The following TWSG1 variants were observed in gnomAD, a reference collection of about 807,000 sequenced individuals.
TWSG1 encodes twisted gastrulation protein homolog 1.
TWSG1 carries 15 observed loss-of-function variants against 23.0 expected under a neutral mutation model. That is an observed-to-expected ratio of 0.65 (90% CI 0.44 to 1.00). The LOEUF (loss-of-function observed/expected upper bound fraction) is 1.00. Among genes scored for constraint, TWSG1 ranks in the 50% least tolerant of loss-of-function variants. The pLI is 0.00. For missense variants in TWSG1, 242 were observed against 278.7 expected (o/e 0.87, Z 0.94); for synonymous variants, 86 against 92.8 (o/e 0.93, Z 0.42).
intron 3 of TWSG1, among the ~76,000 whole-genome samples, chr18:9,364,315 A>G (rs1302513770): frequency 1.3e-5 from 2 of 152,252 alleles, no homozygotes; most frequent in African/African-American, 4.8e-5. Flanking sequence ...AGGAGGGAAC[A>G]GTGGTACAGT....
At chr18:9,353,271 A>G (rs1034507309) in intron 2 of TWSG1, among the ~76,000 whole-genome samples, 2 of 152,164 alleles carry the variant, frequency 1.3e-5, no homozygotes, top group African/African-American at 4.8e-5. Context: ...GTGACTGTAT[A>G]TGGAATAAGA....
At chr18:9,340,367 C>CCAAA in intron 2 of TWSG1, among the ~76,000 whole-genome samples, 1 of 67,098 alleles carries the variant, frequency 1.5e-5, no homozygotes, top group Non-Finnish European at 2.7e-5. Context: ...GACTCCATTT[C>CCAAA]AAAAAAAAAA....
chr18:9,397,422 A>G (rs534962536), intron 4 of TWSG1, among the ~76,000 whole-genome samples: 38 of 152,364 alleles, frequency 2.5e-4, no homozygotes, highest in African/African-American at 8.4e-4. Context: ...TGTTGGTCAG[A>G]AAAGGAATTA....
chr18:9,397,884 A>G (rs1173777495), intron 4 of TWSG1, among the ~76,000 whole-genome samples: 1 of 151,912 alleles, frequency 6.6e-6, no homozygotes, highest in Non-Finnish European at 1.5e-5. Context: ...CATGCCTGTA[A>G]TCCCAGCTAC....
At chr18:9,358,175 C>T (rs1426320714) in intron 2 of TWSG1, among the ~76,000 whole-genome samples, 1 of 152,036 alleles carries the variant, frequency 6.6e-6, no homozygotes, top group Non-Finnish European at 1.5e-5. Flanking sequence ...AGAATGGCGT[C>T]TTCCCTCCCT....
intron 3 of TWSG1, among the ~76,000 whole-genome samples, chr18:9,385,181 G>A (rs1349231206): frequency 6.6e-6 from 1 of 152,152 alleles, no homozygotes; most frequent in Non-Finnish European, 1.5e-5. Flanking sequence ...CCATTCGTCA[G>A]AAAAAGTTCC....
At chr18:9,378,900 G>C (rs528442240) in intron 3 of TWSG1, among the ~76,000 whole-genome samples, 2 of 151,912 alleles carry the variant, frequency 1.3e-5, no homozygotes, top group South Asian at 4.2e-4. Flanking sequence ...AGGATCACTA[G>C]AGCCTGGGAA....
chr18:9,335,105 G>T (rs1244414073), intron 1 of TWSG1, among the ~76,000 whole-genome samples, 185 bp downstream of exon 1: 1 of 152,162 alleles, frequency 6.6e-6, no homozygotes, highest in African/African-American at 2.4e-5. Context: ...CAGGCCGGAC[G>T]CCGGGAGCCA....
intron 3 of TWSG1, among the ~76,000 whole-genome samples, chr18:9,373,581 C>T (rs571748561): frequency 3.9e-5 from 6 of 152,236 alleles, no homozygotes; most frequent in South Asian, 4.1e-4. Context: ...CAAAAACTAA[C>T]AGAACTGCAG....
chr18:9,365,010 T>C (rs1215309576), intron 3 of TWSG1, among the ~76,000 whole-genome samples: 1 of 152,164 alleles, frequency 6.6e-6, no homozygotes, highest in Non-Finnish European at 1.5e-5. Context: ...TTTTGATTCA[T>C]GTTTAATGTG....
chr18:9,336,222 T>A (rs976072530), intron 1 of TWSG1, among the ~76,000 whole-genome samples: 1 of 151,962 alleles, frequency 6.6e-6, no homozygotes, highest in African/African-American at 2.4e-5. Context: ...TGAAACCCCG[T>A]CTCTACTAAA....
intron 2 of TWSG1, among the ~76,000 whole-genome samples, chr18:9,346,846 A>G (rs1568031493): frequency 2.6e-5 from 4 of 152,210 alleles, no homozygotes; most frequent in African/African-American, 9.6e-5. Context: ...GCTAAATACT[A>G]AGGAGTGTAA....
intron 2 of TWSG1, among the ~76,000 whole-genome samples, chr18:9,341,536 A>G (rs533703224): frequency 7.2e-5 from 11 of 152,070 alleles, no homozygotes; most frequent in African/African-American, 1.4e-4. Flanking sequence ...TTGTACTACT[A>G]TTTCTTGATT....
chr18:9,342,840 TA>T (rs1021535597), intron 2 of TWSG1, among the ~76,000 whole-genome samples: 5 of 152,210 alleles, frequency 3.3e-5, no homozygotes. Flanking sequence ...GTGTGGAAAG[TA>T]AGCTTTCTGG....
chr18:9,389,202 C>A (rs924831626), intron 3 of TWSG1, among the ~76,000 whole-genome samples: 6 of 151,846 alleles, frequency 4.0e-5, no homozygotes, highest in African/African-American at 1.5e-4. Flanking sequence ...TCTCGAACTC[C>A]TGACCTCAGG....
chr18:9,377,285 C>T (rs1266356667), intron 3 of TWSG1, among the ~76,000 whole-genome samples: 2 of 151,214 alleles, frequency 1.3e-5, no homozygotes, highest in Non-Finnish European at 3.0e-5. Context: ...GTGGTGCGAC[C>T]TCGGCTCACT....
chr18:9,356,972 A>T (rs1423094777), intron 2 of TWSG1, among the ~76,000 whole-genome samples: 1 of 22,066 alleles, frequency 4.5e-5, no homozygotes, highest in African/African-American at 1.2e-4. Flanking sequence ...TTATAAATCT[A>T]AAAAAAAAAA....
chr18:9,399,109 A>C lies in TWSG1; in HGVS notation c.491-237A>C, dbSNP rs149508792. 3.6e-3 allele frequency among the ~76,000 whole-genome samples: 550 copies of C among 152,316 alleles called. 4 individuals carry two copies. The highest frequency in any genetic ancestry group is 0.013 in the African/African-American group (522 of 41,570). ...CTTTTCGATCAAAGCCTGAAATCTA[A>C]TAAAAGAAGCTAAGGAAGCCCTTTG... On this transcript the variant is annotated intron_variant, in intron 4 of 4. Transcript: ENST00000262120.
chr18:9,366,635 C>G (rs1205649784), intron 3 of TWSG1, among the ~76,000 whole-genome samples: 1 of 152,076 alleles, frequency 6.6e-6, no homozygotes, highest in Non-Finnish European at 1.5e-5. Flanking sequence ...TAGATAGATC[C>G]GTTGGTTCCT....
Sources: allele counts gnomAD v4.1 joint callset (sites outside exome capture counted in the v4.1 genomes callset), GRCh38; gene constraint gnomAD v4.1.1; transcripts MANE v1.5; gene names NCBI Gene and HGNC (gene_info 2026-07-23, HGNC 2026-07-21).